MYO6: variants seen among roughly 807,000 people sequenced by gnomAD.
MYO6 encodes the protein myosin VI.
MYO6 carries 74 observed loss-of-function variants against 178.7 expected under a neutral mutation model. That is an observed-to-expected ratio of 0.41 (90% CI 0.34 to 0.50). The LOEUF (loss-of-function observed/expected upper bound fraction) is 0.50, where lower values mean the gene tolerates loss of function less well. Among genes scored for constraint, MYO6 ranks in the 20% least tolerant of loss-of-function variants. The pLI is 0.09. For missense variants in MYO6, 1,330 were observed against 1,547.4 expected, an observed-to-expected ratio of 0.86 and a Z score of 2.36; for synonymous variants, 477 against 504.6, an observed-to-expected ratio of 0.95 and a Z score of 0.73.
At chr6:75,780,395 T>C (rs1250671214) in intron 1 of MYO6, among the ~76,000 whole-genome samples, 1 of 152,208 alleles carries the variant, frequency 6.6e-6, no homozygotes, top group Non-Finnish European at 1.5e-5. Flanking sequence ...TGAGTCGAGA[T>C]TGTGCCACAG....
intron 1 of MYO6, among the ~76,000 whole-genome samples, chr6:75,803,494 A>G (rs1242886413): frequency 6.6e-6 from 1 of 152,194 alleles, no homozygotes; most frequent in Non-Finnish European, 1.5e-5. Flanking sequence ...AAGGGGTGTC[A>G]TAGCTGGAAT....
chr6:75,750,271 A>G (rs924598536), intron 1 of MYO6, among the ~76,000 whole-genome samples: 1 of 151,778 alleles, frequency 6.6e-6, no homozygotes, highest in Non-Finnish European at 1.5e-5. Context: ...ATTTTTTTGT[A>G]TTTTTAGTAG....
intron 30 of MYO6, among the ~76,000 whole-genome samples, chr6:75,902,862 T>C (rs1481950046): frequency 6.6e-6 from 1 of 151,864 alleles, no homozygotes; most frequent in African/African-American, 2.4e-5. Flanking sequence ...TGTGGGCATT[T>C]AGTGCTATAA....
chr6:75,908,390 A>G (rs1396729974), intron 31 of MYO6, 106 bp from the exon 32 acceptor site: 1 of 1,074,568 alleles, frequency 9.3e-7, no homozygotes, highest in African/African-American at 1.6e-5. Context: ...TGTACCATTA[A>G]TTTAAAAATA....
Position 75,890,209 on chromosome 6 carries a change from A to C in MYO6, c.2811A>C (p.Arg937Ser). 1 of 1,611,836 alleles carries C rather than the reference A, an allele frequency of 6.2e-7. No individual in the cohort carries two copies. Among genetic ancestry groups the C allele is most frequent in the Non-Finnish European group, 8.5e-7 (1 of 1,177,910 alleles). ...TTCAAGAAGAAATGGAAAAGGAAAGAAAAAGACGTGAAGAAGACGAAAAAC... is the reference window on the plus strand; with the variant it reads ...TTCAAGAAGAAATGGAAAAGGAAAGCAAAAGACGTGAAGAAGACGAAAAAC... The part of the protein sequence containing the change: ...RRIQEEMEKE[R>S]KRREEDEKRR... The change falls in exon 26 of 35, where the codon AGA becomes AGC. Residue 937 changes from arginine to serine, a missense_variant. Physicochemically the swap from Arg to Ser is moderately radical, Grantham distance 110. Transcript: ENST00000369977.
At chr6:75,761,117 C>G (rs912021887) in intron 1 of MYO6, among the ~76,000 whole-genome samples, 1 of 152,026 alleles carries the variant, frequency 6.6e-6, no homozygotes, top group African/African-American at 2.4e-5. Flanking sequence ...CTTGGTTGAT[C>G]TTTAAGATGA....
rs1405933972 is a variant in MYO6, at chr6:75,898,286, A to G, written c.3138-87A>G. The G allele has an allele frequency of 1.5e-5, 13 of 856,862 alleles. No homozygotes were observed. In the East Asian group the frequency reaches 2.0e-4, roughly 13 times the overall value. 53.1% of individuals were successfully genotyped at this position (856,862 alleles called of 1,614,324 possible). On this transcript the variant is annotated intron_variant, in intron 29 of 34. Transcript: ENST00000369977. ...AGTTGTTAAATAATATTGAAAATAT[A>G]TATTTTAATTATACTTTTAGATCTT...
At chr6:75,775,615 G>A (rs1006441118) in intron 1 of MYO6, among the ~76,000 whole-genome samples, 10 of 152,178 alleles carry the variant, frequency 6.6e-5, no homozygotes, top group African/African-American at 2.2e-4. Flanking sequence ...GCCAAATACA[G>A]GTCAGGAGGT....
At chr6:75,877,996 G>A (rs1777699691) in intron 20 of MYO6, among the ~76,000 whole-genome samples, 2 of 152,126 alleles carry the variant, frequency 1.3e-5, no homozygotes. Context: ...AAACTGTGAT[G>A]ATACTAACCA....
At chr6:75,829,871 G>A (rs910678) in intron 4 of MYO6, among the ~76,000 whole-genome samples, 2,061 of 152,262 alleles carry the variant, frequency 0.014, 45 homozygotes, top group East Asian at 0.11. Flanking sequence ...GGACCAAATG[G>A]TCACTACAGA....
At chr6:75,811,471 G>A (rs1376432948) in intron 1 of MYO6, among the ~76,000 whole-genome samples, 1 of 152,066 alleles carries the variant, frequency 6.6e-6, no homozygotes, top group Non-Finnish European at 1.5e-5. Flanking sequence ...GTAGATAAAG[G>A]GCTTTGATGA....
intron 29 of MYO6, 107 bp from the exon 30 acceptor site, chr6:75,898,266 T>C (rs720862): frequency 1.4e-6 from 1 of 726,022 alleles, no homozygotes; most frequent in African/African-American, 1.8e-5. Flanking sequence ...TGAACAGTTG[T>C]TAAATAATAT....
intron 9 of MYO6, among the ~76,000 whole-genome samples, chr6:75,842,186 G>A (rs1053129507): frequency 1.3e-5 from 2 of 148,596 alleles, no homozygotes; most frequent in African/African-American, 2.5e-5. Context: ...GGTGGGAAAC[G>A]CACACACACA....
chr6:75,887,904 G>C lies in MYO6; in HGVS notation c.2658+910G>C, dbSNP rs533323125. ...TGAGGCAGGAGAATGGAGTGAACCGGGGGGGCGGAGCTTGCAGTGAGCCGA... is the reference window on the plus strand; with the variant it reads ...TGAGGCAGGAGAATGGAGTGAACCGCGGGGGCGGAGCTTGCAGTGAGCCGA... On this transcript the variant is annotated intron_variant, in intron 25 of 34. Coordinates refer to ENST00000369977, the MANE Select transcript of MYO6 (RefSeq NM_004999.4). Among the ~76,000 whole-genome samples, 10 of 151,876 alleles carry C rather than the reference G, an allele frequency of 6.6e-5. No individual in the cohort carries two copies. In the South Asian group the frequency reaches 8.3e-4, roughly 13 times the overall value.
intron 30 of MYO6, among the ~76,000 whole-genome samples, chr6:75,899,750 T>G (rs1309431124): frequency 6.6e-6 from 1 of 151,884 alleles, no homozygotes; most frequent in Non-Finnish European, 1.5e-5. Context: ...AAATTATTAT[T>G]ATACTTTAAG....
intron 14 of MYO6, among the ~76,000 whole-genome samples, 173 bp from the exon 15 acceptor site, chr6:75,860,850 T>A (rs931996803): frequency 6.6e-6 from 1 of 152,340 alleles, no homozygotes; most frequent in African/African-American, 2.4e-5. Flanking sequence ...TTACCTTTAG[T>A]GCCTGTCTGC....
intron 20 of MYO6, among the ~76,000 whole-genome samples, chr6:75,875,764 G>A (rs1777525497): frequency 6.6e-6 from 1 of 152,132 alleles, no homozygotes; most frequent in African/African-American, 2.4e-5. Flanking sequence ...TCTAATCCAA[G>A]CTGTCACCAT....
At chr6:75,801,052 AT>A (rs1283426510) in intron 1 of MYO6, among the ~76,000 whole-genome samples, 1 of 152,210 alleles carries the variant, frequency 6.6e-6, no homozygotes, top group Non-Finnish European at 1.5e-5. Flanking sequence ...TATTAATAAC[AT>A]TGATGCCATG....
chr6:75,893,612 A>G (rs1045302586), intron 28 of MYO6, among the ~76,000 whole-genome samples: 2 of 152,214 alleles, frequency 1.3e-5, no homozygotes, highest in Admixed American at 6.5e-5. Flanking sequence ...AGTTGCCTTC[A>G]TGCTTTTTCT....
Sources: allele counts gnomAD v4.1 joint callset (sites outside exome capture counted in the v4.1 genomes callset), GRCh38; gene constraint gnomAD v4.1.1; transcripts MANE v1.5; gene names NCBI Gene and HGNC (gene_info 2026-07-23, HGNC 2026-07-21).